Variants in CYP17A1 observed in about 807,000 individuals in gnomAD.
CYP17A1 encodes steroid 17-alpha-hydroxylase/17,20 lyase.
A neutral mutation model predicts 38.5 loss-of-function variants in CYP17A1; 27 were observed. The observed-to-expected ratio is 0.70, with a 90% confidence interval of 0.52 to 0.97. The LOEUF is 0.97. CYP17A1 is among the 50% of genes least tolerant of loss of function. CYP17A1 has a pLI of 0.00. For missense variants in CYP17A1, 549 were observed against 645.9 expected (o/e 0.85, Z 1.63); for synonymous variants, 263 against 253.3 (o/e 1.04, Z -0.36).
At chr10:102,836,653 G>A (rs553753086) in intron 1 of CYP17A1, 56 of 230,758 alleles carry the variant, frequency 2.4e-4, no homozygotes, top group African/African-American at 1.2e-3. Flanking sequence ...GAGGACAGTA[G>A]TCACTGCCCC....
intron 2 of CYP17A1, 82 bp downstream of exon 2, chr10:102,835,172 C>G (rs1316864871): frequency 7.4e-7 from 1 of 1,345,884 alleles, no homozygotes; most frequent in Non-Finnish European, 1.1e-6. Context: ...AGTCCTAACC[C>G]TTACCCCTGC....
intron 6 of CYP17A1, 60 bp downstream of exon 6, chr10:102,832,451 G>A: frequency 8.9e-7 from 1 of 1,120,748 alleles, no homozygotes; most frequent in Non-Finnish European, 1.4e-6. Context: ...GAGCCAGGTG[G>A]GCTGGCAAGC....
chr10:102,835,797 G>A (rs534384539), intron 1 of CYP17A1, among the ~76,000 whole-genome samples: 1 of 152,258 alleles, frequency 6.6e-6, no homozygotes, highest in South Asian at 2.1e-4. Context: ...TGTAGAGGCT[G>A]AGGACTGCAC....
Position 102,830,869 on chromosome 10 carries a change from G to A in CYP17A1, c.1360C>T (p.Leu454Phe), listed in dbSNP as rs957099355. The change falls in exon 8 of 8, where the codon CTC becomes TTC. Residue 454 changes from leucine to phenylalanine, a missense_variant. Leu to Phe is a conservative substitution (Grantham distance 22). Transcript: ENST00000369887. This position sits in a 1 kb window ranked among gnomAD's most constrained non-coding sequence, Gnocchi z 4.1. ...CTCTGCAGCAGCCAGGCCATGATGA[G>A]GAAGAGCTCCTGGCGGGCCAGGATC... Reference protein sequence around the residue: ...GEILARQELFLIMAWLLQRFD... With the variant: ...GEILARQELFFIMAWLLQRFD... 4 of 1,591,368 alleles carry A rather than the reference G, an allele frequency of 2.5e-6. No individual in the cohort carries two copies. The African/African-American group carries it at 5.4e-5, about 21-fold the overall frequency.
rs61754263 is a variant in CYP17A1, at chr10:102,837,300, C to T, written c.62G>A (p.Arg21Lys). Residue 21 changes from arginine to lysine, a missense_variant, in exon 1 of 8, where the codon AGG becomes AAG. Coordinates refer to ENST00000369887, the MANE Select transcript of CYP17A1 (RefSeq NM_000102.4). ...TLAYLFWPKR[R>K]CPGAKYPKSL... Reference sequence around the variant, plus strand: ...CTTGGGGTACTTGGCACCAGGGCACCTTCTCTTGGGCCAAAACAAATAAGC... The same window carrying T: ...CTTGGGGTACTTGGCACCAGGGCACTTTCTCTTGGGCCAAAACAAATAAGC... The T allele has an allele frequency of 1.2e-3, 1,967 of 1,610,768 alleles. 1 individual carries two copies. The highest frequency in any genetic ancestry group is 1.5e-3 in the Non-Finnish European group (1,805 of 1,176,940).
intron 3 of CYP17A1, chr10:102,834,544 A>G (rs1441409775): frequency 3.3e-6 from 2 of 612,360 alleles, no homozygotes; most frequent in African/African-American, 1.8e-5. Flanking sequence ...GTACTGGCAC[A>G]TGGTAATTGG....
chr10:102,831,526 G>T lies in CYP17A1; in HGVS notation c.1225C>A (p.Pro409Thr), dbSNP rs1370493887. The part of the protein sequence containing the change: ...LHHNEKEWHQ[P>T]DQFMPERFLN... ...GACTCACCAGGCATGAACTGATCCG[G>T]CTGGTGCCACTCCTTCTCATTGTGA... Residue 409 changes from proline to threonine, a missense_variant, in exon 7 of 8, where the codon CCG (proline) becomes ACG (threonine). Coordinates refer to ENST00000369887, the MANE Select transcript of CYP17A1 (RefSeq NM_000102.4). 3.7e-6 allele frequency: 6 copies of T among 1,613,946 alleles called. No homozygotes were observed. Among genetic ancestry groups the T allele is most frequent in the Non-Finnish European group, 5.1e-6 (6 of 1,180,036 alleles).
chr10:102,835,438 C>A (rs773859640), intron 1 of CYP17A1, 46 bp from the exon 2 acceptor site: 15 of 1,545,404 alleles, frequency 9.7e-6, no homozygotes, highest in Non-Finnish European at 1.2e-5. Flanking sequence ...CCATCCACCC[C>A]ACTCTTGCCC....
At chr10:102,832,395 A>G in intron 6 of CYP17A1, 116 bp downstream of exon 6, 2 of 767,562 alleles carry the variant, frequency 2.6e-6, no homozygotes, top group Non-Finnish European at 4.7e-6. Flanking sequence ...TTAGTAGTTG[A>G]TGGTTGACTG....
At chr10:102,834,391 A>G (rs1164620386) in intron 3 of CYP17A1, 39 of 555,124 alleles carry the variant, frequency 7.0e-5, no homozygotes, top group Non-Finnish European at 1.2e-4. Context: ...CTATGTGTCC[A>G]GCCCTTAGGA....
Position 102,837,328 on chromosome 10 carries a change from G to T in CYP17A1, c.34C>A (p.Leu12Ile). Residue 12 changes from leucine (L) to isoleucine (I), a missense_variant, in exon 1 of 8, where the codon CTA becomes ATA. Around this residue, in one of 3 missense-constraint regions of CYP17A1, gnomAD observed 289 missense variants for 320.9 expected, o/e 0.90. Transcript: ENST00000369887. ...WELVALLLLT[L>I]AYLFWPKRRC... ...CTCTTGGGCCAAAACAAATAAGCTA[G>T]GGTAAGCAGCAAGAGAGCCACGAGC... 6.2e-7 allele frequency: 1 copy of T among 1,612,936 alleles called. No individual in the cohort carries two copies. The highest frequency in any genetic ancestry group is 8.5e-7 in the Non-Finnish European group (1 of 1,178,878).
At chr10:102,833,489 G>A (rs1844119564) in intron 4 of CYP17A1, 3 of 427,728 alleles carry the variant, frequency 7.0e-6, no homozygotes, top group Admixed American at 7.3e-5. Context: ...CAGAATCTTG[G>A]TGCAATGCCC....
Position 102,835,328 on chromosome 10 carries a change from C to T in CYP17A1, c.362G>A (p.Trp121Ter), listed in dbSNP as rs942376359. ...GIAFADSGAHWQLHRRLAMAT... is the reference protein window; with the variant it reads ...GIAFADSGAH ...CATCGCCAGCCTTCGATGCAGCTGC[C>T]AGTGTGCGCCAGAGTCAGCGAAGGC... The change falls in exon 2 of 8, where the codon TGG becomes TAG. Residue 121 changes from tryptophan to a stop codon, truncating the protein, a stop_gained. Transcript: ENST00000369887. LOFTEE classifies it high-confidence loss of function. 1.2e-6 allele frequency: 2 copies of T among 1,611,570 alleles called. No individual in the cohort carries two copies. The highest frequency in any genetic ancestry group is 3.3e-5 in the Admixed American group (2 of 60,024).
chr10:102,831,824 T>A, intron 6 of CYP17A1: 2 of 812,840 alleles, frequency 2.5e-6, no homozygotes, highest in Non-Finnish European at 1.9e-6. Flanking sequence ...TCTGAACACC[T>A]GTGTCTGTGG....
At chr10:102,835,164 T>G in intron 2 of CYP17A1, 90 bp downstream of exon 2, 5 of 1,277,844 alleles carry the variant, frequency 3.9e-6, no homozygotes, top group Non-Finnish European at 5.7e-6. Context: ...TGCGCTCTAG[T>G]CCTAACCCTT....
intron 4 of CYP17A1, chr10:102,833,736 G>A: frequency 3.0e-6 from 1 of 335,248 alleles, no homozygotes; most frequent in Non-Finnish European, 5.6e-6. Context: ...GATTACAGGT[G>A]TGAGCCATCT....
rs761929275 is a variant in CYP17A1 at position 102,837,355 on chromosome 10, C to T, written c.7G>A (p.Glu3Lys). The stretch of plus-strand genomic sequence containing the variant: ...GTAAGCAGCAAGAGAGCCACGAGCT[C>T]CCACATGGTGGCTGGGTGCCGGCAG... The part of the protein sequence containing the change: MW[E>K]LVALLLLTLA... The change falls in exon 1 of 8, where the codon GAG becomes AAG. Residue 3 changes from glutamate (E) to lysine (K), a missense_variant. Transcript: ENST00000369887. 4 of 1,607,810 alleles carry T rather than the reference C, an allele frequency of 2.5e-6. No homozygotes were observed. The highest frequency in any genetic ancestry group is 3.4e-6 in the Non-Finnish European group (4 of 1,174,316).
At position 102,834,613 on chromosome 10, in the gene CYP17A1, A is replaced by G. The variant is rs548050829; in HGVS notation, c.666+172T>C. On this transcript the variant is annotated intron_variant, in intron 3 of 7. Coordinates refer to ENST00000369887, the MANE Select transcript of CYP17A1 (RefSeq NM_000102.4). ...GGTGCATAATTAAAAGGCTAAATCT[A>G]TCTCTGCAGAGAAATGGCAAAGGTT... 3.1e-5 allele frequency: 26 copies of G among 834,804 alleles called. No individual in the cohort carries two copies. The African/African-American group carries it at 3.7e-4, about 12-fold the overall frequency. The allele number at this position is 834,804 out of a possible 1,614,324, so 51.7% of individuals were successfully genotyped here.
At chr10:102,836,744 T>G (rs1165117813) in intron 1 of CYP17A1, 1 of 426,492 alleles carries the variant, frequency 2.3e-6, no homozygotes, top group Non-Finnish European at 4.4e-6. Context: ...GTGCTGTACA[T>G]GCACCTTCTC....
Sources: allele counts gnomAD v4.1 joint callset (sites outside exome capture counted in the v4.1 genomes callset), GRCh38; gene constraint gnomAD v4.1.1; regional missense constraint gnomAD v4.1.1; non-coding constraint Gnocchi (gnomAD v3.1); transcripts MANE v1.5; gene names NCBI Gene and HGNC (gene_info 2026-07-23, HGNC 2026-07-21).